KLRG2: variants seen among roughly 807,000 people sequenced by gnomAD.
KLRG2 encodes killer cell lectin like receptor G2, also known as killer cell lectin-like receptor subfamily G member 2.
In KLRG2, 39 loss-of-function variants were observed where a neutral mutation model predicts 35.4. The observed-to-expected ratio is 1.10, with a 90% CI of 0.85 to 1.44. The LOEUF (loss-of-function observed/expected upper bound fraction) is 1.44, where lower values mean the gene tolerates loss of function less well. Ranked by LOEUF, KLRG2 falls within the 40% of genes most tolerant of loss-of-function variation. KLRG2 has a pLI of 0.00. For missense variants in KLRG2, 632 were observed against 570.9 expected (o/e 1.11, Z -1.09); for synonymous variants, 283 against 265.8 (o/e 1.06, Z -0.63).
chr7:139,463,991 G>T (rs1796611708), intron 3 of KLRG2, among the ~76,000 whole-genome samples: 1 of 152,080 alleles, frequency 6.6e-6, no homozygotes, highest in African/African-American at 2.4e-5. Flanking sequence ...TGCTAGCTTG[G>T]ACAATATTCT....
Position 139,483,473 on chromosome 7 carries a change from G to C in KLRG2, c.170C>G (p.Ala57Gly). The C allele has an allele frequency of 1.9e-6, 3 of 1,591,506 alleles. No homozygotes were observed. The highest frequency in any genetic ancestry group is 1.7e-6 in the Non-Finnish European group (2 of 1,176,582). ...SPSPAGAVEK[A>G]AGAGLEPSSK... Reference sequence around the variant, plus strand: ...CGAGGGCTCCAGGCCTGCGCCCGCCGCCTTCTCCACGGCCCCGGCCGGACT... The same window carrying C: ...CGAGGGCTCCAGGCCTGCGCCCGCCCCCTTCTCCACGGCCCCGGCCGGACT... The change falls in exon 1 of 5, where the codon GCG becomes GGG. Residue 57 changes from alanine (A) to glycine (G), a missense_variant. Coordinates refer to ENST00000340940, the MANE Select transcript of KLRG2 (RefSeq NM_198508.4).
At chr7:139,472,452 A>G (rs75993012) in intron 3 of KLRG2, among the ~76,000 whole-genome samples, 1 of 152,074 alleles carries the variant, frequency 6.6e-6, no homozygotes, top group Non-Finnish European at 1.5e-5. Flanking sequence ...ACAAAAAAAA[A>G]TGGGAAGAGA....
At chr7:139,481,347 A>G (rs1796956439) in intron 1 of KLRG2, among the ~76,000 whole-genome samples, 1 of 152,218 alleles carries the variant, frequency 6.6e-6, no homozygotes, top group Non-Finnish European at 1.5e-5. Flanking sequence ...TACAACAGCA[A>G]TAGAAAACTA....
At chr7:139,449,028 C>G (rs891666237), downstream of KLRG2, among the ~76,000 whole-genome samples, 30 of 151,410 alleles carry the variant, frequency 2.0e-4, no homozygotes, top group African/African-American at 7.3e-4. Context: ...ATTGCTTGAA[C>G]CTGGGAGGTG....
chr7:139,455,686 G>C (rs1363244034), intron 3 of KLRG2, among the ~76,000 whole-genome samples: 1 of 152,166 alleles, frequency 6.6e-6, no homozygotes, highest in Non-Finnish European at 1.5e-5. Flanking sequence ...CGTGGTGGAG[G>C]GGGCAGTGAT....
chr7:139,435,306 A>G, the KLRG2 span, among the ~76,000 whole-genome samples: 1 of 152,142 alleles, frequency 6.6e-6, no homozygotes, highest in Non-Finnish European at 1.5e-5. Context: ...CCTGGCCAAC[A>G]TGGTGAAGCC....
intron 1 of KLRG2, among the ~76,000 whole-genome samples, chr7:139,481,695 G>T (rs1441799389): frequency 6.6e-6 from 1 of 152,100 alleles, no homozygotes; most frequent in Non-Finnish European, 1.5e-5. Flanking sequence ...AGGCTGAGGC[G>T]GCTGGATCAC....
the KLRG2 span, among the ~76,000 whole-genome samples, chr7:139,436,389 C>T: frequency 2.0e-5 from 3 of 152,074 alleles, no homozygotes; most frequent in Non-Finnish European, 2.9e-5. Flanking sequence ...TCAATGTGGA[C>T]GTTTCCACAC....
At chr7:139,445,293 G>A in the KLRG2 span, among the ~76,000 whole-genome samples, 2 of 152,090 alleles carry the variant, frequency 1.3e-5, no homozygotes, top group South Asian at 4.1e-4. Context: ...TGTTGGCCAG[G>A]CTGGTCTCGA....
chr7:139,466,383 C>T (rs147674135), intron 3 of KLRG2, among the ~76,000 whole-genome samples: 9 of 152,046 alleles, frequency 5.9e-5, no homozygotes, highest in Non-Finnish European at 1.3e-4. Flanking sequence ...GATAATGGAC[C>T]GGCCTTTATT....
chr7:139,454,114 T>C lies in KLRG2; in HGVS notation c.1106A>G (p.Gln369Arg). 3.3e-6 allele frequency: 5 copies of C among 1,524,404 alleles called. No homozygotes were observed. Among genetic ancestry groups the C allele is most frequent in the Non-Finnish European group, 4.5e-6 (5 of 1,123,212 alleles). The allele number at this position is 1,524,404 out of a possible 1,614,324, so 94.4% of individuals were successfully genotyped here. ...HWIDEAPLPP[Q>R]LLPEDGEDNL... ...AGAAAAGCCCGTGGTCACTCACAGC[T>C]GGGGCGGGAGTGGGGCCTCGTCGAT... The change falls in exon 4 of 5, where the codon CAG (glutamine) becomes CGG (arginine). Residue 369 changes from glutamine (Q) to arginine (R), a missense_variant. Transcript: ENST00000340940.
At chr7:139,467,704 G>C (rs924969534) in intron 3 of KLRG2, among the ~76,000 whole-genome samples, 2 of 150,954 alleles carry the variant, frequency 1.3e-5, no homozygotes, top group Non-Finnish European at 2.9e-5. Flanking sequence ...ACTGCGGAAG[G>C]CCGCAGGTTC....
At chr7:139,450,237 G>T (rs111955500), downstream of KLRG2, among the ~76,000 whole-genome samples, 14 of 62,018 alleles carry the variant, frequency 2.3e-4, no homozygotes, top group African/African-American at 2.6e-3. Context: ...GTTTTGTTTT[G>T]TTTTGAGACG....
chr7:139,436,784 A>G, the KLRG2 span, among the ~76,000 whole-genome samples: 5 of 152,356 alleles, frequency 3.3e-5, no homozygotes, highest in South Asian at 8.3e-4. Flanking sequence ...GTACTGGGTC[A>G]TTGTGGAAAT....
the KLRG2 span, among the ~76,000 whole-genome samples, chr7:139,434,789 A>G: frequency 2.6e-5 from 4 of 152,194 alleles, no homozygotes; most frequent in African/African-American, 9.6e-5. Flanking sequence ...GCCAGGAGCT[A>G]GGGTTTGAAA....
chr7:139,478,225 T>C (rs1286600556), intron 3 of KLRG2, among the ~76,000 whole-genome samples: 2 of 151,194 alleles, frequency 1.3e-5, no homozygotes, highest in African/African-American at 4.9e-5. Flanking sequence ...AATTAGCCAG[T>C]TGTGGTGGCA....
intron 3 of KLRG2, among the ~76,000 whole-genome samples, chr7:139,475,862 T>C (rs1286733866): frequency 6.6e-6 from 1 of 151,652 alleles, no homozygotes; most frequent in Non-Finnish European, 1.5e-5. Flanking sequence ...ACCCTCAAAC[T>C]GTGGGATCTG....
intron 3 of KLRG2, among the ~76,000 whole-genome samples, chr7:139,459,169 T>C (rs1026073600): frequency 6.6e-6 from 1 of 152,232 alleles, no homozygotes; most frequent in Non-Finnish European, 1.5e-5. Context: ...TTATCTCAGG[T>C]TCTGTTTCCA....
chr7:139,474,982 G>A (rs1171470297), intron 3 of KLRG2, among the ~76,000 whole-genome samples: 1 of 152,176 alleles, frequency 6.6e-6, no homozygotes, highest in East Asian at 1.9e-4. Flanking sequence ...ATTCTAGGGA[G>A]GGTCCTGGCC....
Sources: gnomAD v4.1 joint callset for allele counts (sites outside exome capture counted in the v4.1 genomes callset) on GRCh38, gnomAD v4.1.1 for gene constraint, MANE v1.5 for transcripts, NCBI Gene and HGNC (gene_info 2026-07-23, HGNC 2026-07-21) for gene names.